DIP2C: variants seen among roughly 807,000 people sequenced by gnomAD.
The protein encoded by DIP2C is disco-interacting protein 2 homolog C.
DIP2C carries 33 observed loss-of-function variants against 192.4 expected under a neutral mutation model. The ratio of observed to expected loss-of-function variants is 0.17; its 90% confidence interval spans 0.13 to 0.23. The LOEUF is 0.23. Among genes scored for constraint, DIP2C ranks in the 10% least tolerant of loss-of-function variants. The probability of loss-of-function intolerance (pLI) is 1.00; values close to 1 mark genes in which losing one functional copy is unlikely to be tolerated. For synonymous variants in DIP2C, 979 were observed against 864.1 expected, an observed-to-expected ratio of 1.13 and a Z score of -2.33; for missense variants, 1,537 against 2,110.1, an observed-to-expected ratio of 0.73 and a Z score of 5.32.
At chr10:519,879 G>A (rs1846589135) in intron 1 of DIP2C, among the ~76,000 whole-genome samples, 1 of 151,052 alleles carries the variant, frequency 6.6e-6, no homozygotes, top group African/African-American at 2.4e-5. Flanking sequence ...GGCCAGTATG[G>A]CCACAAGGCT....
At chr10:484,248 T>C (rs1486515536) in intron 2 of DIP2C, among the ~76,000 whole-genome samples, 2 of 152,262 alleles carry the variant, frequency 1.3e-5, no homozygotes, top group East Asian at 3.8e-4. Flanking sequence ...GTATTCAAAA[T>C]ACTGTCCGCC....
chr10:455,263 G>A (rs1589833710), intron 3 of DIP2C, among the ~76,000 whole-genome samples: 1 of 152,120 alleles, frequency 6.6e-6, no homozygotes, highest in Non-Finnish European at 1.5e-5. Flanking sequence ...CCCTGCCTGA[G>A]GAGTGGCCCA....
At chr10:484,874 C>A in intron 2 of DIP2C, 1 of 1,611,848 alleles carries the variant, frequency 6.2e-7, no homozygotes, top group Non-Finnish European at 8.5e-7. Flanking sequence ...CCGATGTGGG[C>A]AGAGCGGAAT....
At chr10:503,492 C>T (rs1338731454) in intron 1 of DIP2C, among the ~76,000 whole-genome samples, 2 of 152,148 alleles carry the variant, frequency 1.3e-5, no homozygotes, top group African/African-American at 4.8e-5. Context: ...ACAAATGGAA[C>T]CAAGGGCTAC....
intron 1 of DIP2C, among the ~76,000 whole-genome samples, chr10:543,566 A>C (rs1848119286): frequency 6.6e-6 from 1 of 152,232 alleles, no homozygotes; most frequent in Admixed American, 6.5e-5. Context: ...GAAATCAGTA[A>C]GATAGGCTGT....
chr10:661,265 G>A (rs1459214825), intron 1 of DIP2C, among the ~76,000 whole-genome samples: 1 of 152,168 alleles, frequency 6.6e-6, no homozygotes, highest in African/African-American at 2.4e-5. Context: ...CCTCCCTGGG[G>A]ACCTGGCTCC....
chr10:337,237 C>CA (rs1957853778), intron 29 of DIP2C, among the ~76,000 whole-genome samples: 1 of 6,010 alleles, frequency 1.7e-4, no homozygotes, highest in Non-Finnish European at 3.6e-4. Flanking sequence ...AGGCCTAGGC[C>CA]GGTGTGTGTG....
At chr10:674,406 A>G (rs915708631) in intron 1 of DIP2C, among the ~76,000 whole-genome samples, 13 of 152,230 alleles carry the variant, frequency 8.5e-5, no homozygotes, top group African/African-American at 3.1e-4. Context: ...CAGCAAGAGG[A>G]CATAACAATT....
chr10:354,558 C>T (rs1314279412), intron 24 of DIP2C, among the ~76,000 whole-genome samples: 1 of 152,122 alleles, frequency 6.6e-6, no homozygotes, highest in East Asian at 1.9e-4. Context: ...CTTGAGCTGC[C>T]CATCAATACC....
chr10:299,094 T>C (rs577517417), intron 32 of DIP2C, among the ~76,000 whole-genome samples: 1 of 152,354 alleles, frequency 6.6e-6, no homozygotes, highest in South Asian at 2.1e-4. Context: ...TGCTTGTTAA[T>C]ATTATGTTCC....
intron 19 of DIP2C, chr10:364,874 G>T (rs533037125): frequency 8.0e-6 from 5 of 624,438 alleles, no homozygotes; most frequent in South Asian, 4.7e-5. Flanking sequence ...CTCACAGGAG[G>T]CCAATCAGCA....
intron 1 of DIP2C, among the ~76,000 whole-genome samples, chr10:615,625 A>C (rs577011133): frequency 5.6e-4 from 85 of 151,046 alleles, no homozygotes; most frequent in African/African-American, 2.0e-3. Context: ...ACACACACAC[A>C]CCCGCCCCAC....
intron 1 of DIP2C, among the ~76,000 whole-genome samples, chr10:487,750 T>C (rs1363773236): frequency 2.0e-5 from 3 of 151,940 alleles, no homozygotes; most frequent in Non-Finnish European, 2.9e-5. Context: ...GCTAATTTTT[T>C]GTATTTTTAG....
At chr10:338,661 T>C (rs1957990024) in intron 29 of DIP2C, among the ~76,000 whole-genome samples, 1 of 152,156 alleles carries the variant, frequency 6.6e-6, no homozygotes, top group Admixed American at 6.5e-5. Flanking sequence ...CCCCCATGAC[T>C]AACGCCTGGC....
chr10:325,074 G>C (rs1957213303), intron 31 of DIP2C: 3 of 428,016 alleles, frequency 7.0e-6, no homozygotes, highest in East Asian at 1.3e-4. Flanking sequence ...AACCATGCTG[G>C]CTAACACGGT....
chr10:391,518 A>G (rs1265571041), intron 10 of DIP2C, among the ~76,000 whole-genome samples: 1 of 152,246 alleles, frequency 6.6e-6, no homozygotes, highest in African/African-American at 2.4e-5. Flanking sequence ...AGACCTGAAC[A>G]GACCTACGCC....
chr10:586,681 T>C (rs2131616051), intron 1 of DIP2C, among the ~76,000 whole-genome samples: 1 of 152,270 alleles, frequency 6.6e-6, no homozygotes, highest in African/African-American at 2.4e-5. Flanking sequence ...AAAAACACCA[T>C]CTCAAGAGCC....
chr10:386,898 C>T (rs1449154520), intron 14 of DIP2C, among the ~76,000 whole-genome samples: 3 of 152,196 alleles, frequency 2.0e-5, no homozygotes, highest in Non-Finnish European at 2.9e-5. Context: ...AAGGGCCAGG[C>T]CCACCTTAAA....
Position 446,675 on chromosome 10 carries a change from G to A in DIP2C, c.269-5679C>T, listed in dbSNP as rs376645425. On this transcript the variant is annotated intron_variant, in intron 3 of 36. Coordinates refer to ENST00000280886, the MANE Select transcript of DIP2C (RefSeq NM_014974.3). ...CACCCAACTGTGGGCAGAGCGCCCC[G>A]GCTGCCACCATGGAGGAGGGGCATC... Among the ~76,000 whole-genome samples the A allele has an allele frequency of 8.1e-4, 123 of 152,286 alleles. 1 individual carries two copies. The highest frequency in any genetic ancestry group is 2.6e-3 in the African/African-American group (108 of 41,562).
Sources: allele counts gnomAD v4.1 joint callset (sites outside exome capture counted in the v4.1 genomes callset), GRCh38; gene constraint gnomAD v4.1.1; transcripts MANE v1.5; gene names NCBI Gene and HGNC (gene_info 2026-07-23, HGNC 2026-07-21).